Variants in MAP4K4 observed in about 807,000 individuals in gnomAD.
MAP4K4 encodes the protein mitogen-activated protein kinase kinase kinase kinase 4.
A neutral mutation model predicts 189.6 loss-of-function variants in MAP4K4; 38 were observed. The observed-to-expected ratio is 0.20, with a 90% CI of 0.15 to 0.26. MAP4K4 has a LOEUF of 0.26. Among genes scored for constraint, MAP4K4 ranks in the 10% least tolerant of loss-of-function variants. The pLI, the probability that MAP4K4 is intolerant of heterozygous loss-of-function variation, is 1.00. For missense variants in MAP4K4, 1,054 were observed against 1,726.9 expected (o/e 0.61, Z 6.91); for synonymous variants, 610 against 624.3 (o/e 0.98, Z 0.34).
Position 101,874,272 on chromosome 2 carries a change from T to C in MAP4K4, c.3241+20T>C, listed in dbSNP as rs1383467825. On this transcript the variant is annotated intron_variant, in intron 26 of 32. Transcript: ENST00000324219. ...TATGGGGTAGGTGTCTAGCCACTAC[T>C]CCAACACTTTCATTTTTGTTCTGAG... 1.3e-6 allele frequency: 2 copies of C among 1,589,638 alleles called. No homozygotes were observed. Among genetic ancestry groups the C allele is most frequent in the Non-Finnish European group, 1.7e-6 (2 of 1,166,120 alleles).
At chr2:101,733,789 G>C (rs1156325463) in intron 2 of MAP4K4, among the ~76,000 whole-genome samples, 1 of 152,226 alleles carries the variant, frequency 6.6e-6, no homozygotes. Flanking sequence ...CAGGGCAGCT[G>C]TTCTGTGAGA....
chr2:101,831,887 C>T (rs1188698714), intron 7 of MAP4K4, 36 bp downstream of exon 7: 1 of 1,606,690 alleles, frequency 6.2e-7, no homozygotes, highest in African/African-American at 1.3e-5. Flanking sequence ...TTTGCAGGGC[C>T]ACTGGCATAC....
chr2:101,755,321 C>A (rs1394486636), intron 2 of MAP4K4, among the ~76,000 whole-genome samples: 1 of 151,998 alleles, frequency 6.6e-6, no homozygotes, highest in African/African-American at 2.4e-5. Flanking sequence ...ATTCACATGA[C>A]CACTGCTGGG....
At chr2:101,718,447 C>G (rs1574147866) in intron 2 of MAP4K4, among the ~76,000 whole-genome samples, 1 of 128,954 alleles carries the variant, frequency 7.8e-6, no homozygotes, top group East Asian at 2.2e-4. Context: ...AAGTTTAGCT[C>G]TTAACCTTTT....
chr2:101,831,681 T>C lies in MAP4K4; in HGVS notation c.509-40T>C, dbSNP rs370940824. ...CCCAAGTATATCTGGTTTGTAGTTG[T>C]GTTTATCTTTCTTTATCTGCCTTTT... On this transcript the variant is annotated intron_variant, in intron 6 of 32. Coordinates refer to ENST00000324219, the Ensembl canonical transcript of MAP4K4. 24 of 1,563,018 alleles carry C rather than the reference T, an allele frequency of 1.5e-5. No homozygotes were observed. The African/African-American group carries it at 2.3e-4, about 15-fold the overall frequency.
intron 2 of MAP4K4, among the ~76,000 whole-genome samples, chr2:101,729,627 C>T (rs941749298): frequency 2.0e-5 from 3 of 152,148 alleles, no homozygotes; most frequent in East Asian, 3.9e-4. Context: ...GCTACATTGC[C>T]GACTGTTACC....
intron 2 of MAP4K4, among the ~76,000 whole-genome samples, chr2:101,785,695 T>TTTTCCTTTTTTGAGTTGGAGTCTTG (rs1558913593): frequency 0.11 from 484 of 4,314 alleles, 4 homozygotes; most frequent in South Asian, 0.13. Context: ...TCTCTCTCTC[T>TTTTCCTTTTTTGAGTTGGAGTCTTG]CTCTCTCTCT....
chr2:101,780,744 G>A (rs962271269), intron 2 of MAP4K4, among the ~76,000 whole-genome samples: 1 of 152,164 alleles, frequency 6.6e-6, no homozygotes, highest in African/African-American at 2.4e-5. Context: ...TGGTCAGTTA[G>A]TAATCTTTTA....
chr2:101,892,910 T>C, exon 33 of MAP4K4: 1 of 456,450 alleles, frequency 2.2e-6, no homozygotes, highest in Non-Finnish European at 4.4e-6. Flanking sequence ...TACTTTCCTC[T>C]TGTCGAGTTC....
chr2:101,841,204 C>T (rs2096908290), intron 10 of MAP4K4, among the ~76,000 whole-genome samples: 1 of 152,156 alleles, frequency 6.6e-6, no homozygotes, highest in African/African-American at 2.4e-5. Context: ...TCTTCATTTT[C>T]TTTTTGGGTT....
intron 3 of MAP4K4, among the ~76,000 whole-genome samples, chr2:101,823,504 A>G (rs1194470070): frequency 2.0e-5 from 3 of 152,198 alleles, no homozygotes; most frequent in Non-Finnish European, 4.4e-5. Flanking sequence ...CTGGACTTAA[A>G]TGGACCAGAT....
chr2:101,869,654 A>G (rs777295650), exon 22 of MAP4K4: 1 of 1,610,372 alleles, frequency 6.2e-7, no homozygotes, highest in Non-Finnish European at 8.5e-7. Flanking sequence ...AGCTTCGAGC[A>G]GTGGAAGATG....
At chr2:101,792,791 A>T (rs926102860) in intron 3 of MAP4K4, among the ~76,000 whole-genome samples, 6 of 151,878 alleles carry the variant, frequency 4.0e-5, no homozygotes, top group Non-Finnish European at 7.4e-5. Context: ...TCCCACTGCC[A>T]CCCCTAGCTA....
At chr2:101,864,308 G>C (rs183633662) in intron 17 of MAP4K4, among the ~76,000 whole-genome samples, 10 of 152,126 alleles carry the variant, frequency 6.6e-5, no homozygotes, top group East Asian at 5.8e-4. Flanking sequence ...CAAAGAATAG[G>C]CTTCTTAAAC....
chr2:101,891,284 G>C (rs374637946), exon 33 of MAP4K4: 1 of 1,566,568 alleles, frequency 6.4e-7, no homozygotes, highest in Non-Finnish European at 8.8e-7. Context: ...GGCCTCCAGA[G>C]TCTTCAAGAT....
chr2:101,877,800 A>G (rs920905187), intron 27 of MAP4K4, among the ~76,000 whole-genome samples: 6 of 151,764 alleles, frequency 4.0e-5, no homozygotes, highest in Middle Eastern at 3.4e-3. Flanking sequence ...CCCAGGCTGG[A>G]GTGCAATGGC....
chr2:101,844,650 G>GC (rs1289366311), intron 12 of MAP4K4, among the ~76,000 whole-genome samples: 6 of 152,192 alleles, frequency 3.9e-5, no homozygotes, highest in Non-Finnish European at 8.8e-5. Flanking sequence ...AAGTTGGCTT[G>GC]CTCAGGATTG....
chr2:101,800,133 A>T (rs925236368), intron 3 of MAP4K4, among the ~76,000 whole-genome samples: 87 of 151,368 alleles, frequency 5.7e-4, no homozygotes, highest in Non-Finnish European at 6.5e-4. Context: ...AAAAAAAAAA[A>T]AATAATAATT....
intron 2 of MAP4K4, among the ~76,000 whole-genome samples, chr2:101,756,199 C>A (rs1334451684): frequency 1.3e-5 from 2 of 152,116 alleles, no homozygotes; most frequent in Admixed American, 1.3e-4. Flanking sequence ...CTGCCTCGGC[C>A]TCCCAAAGTG....
Sources: gnomAD v4.1 joint callset for allele counts (sites outside exome capture counted in the v4.1 genomes callset) on GRCh38, gnomAD v4.1.1 for gene constraint, MANE v1.5 for transcripts, NCBI Gene and HGNC (gene_info 2026-07-23, HGNC 2026-07-21) for gene names.